Variants in HLCS observed in about 807,000 individuals in gnomAD.
HLCS encodes the protein holocarboxylase synthetase, also known as biotin--protein ligase.
HLCS carries 53 observed loss-of-function variants against 75.0 expected under a neutral mutation model. The ratio of observed to expected loss-of-function variants is 0.71; its 90% CI spans 0.57 to 0.89. HLCS has a LOEUF of 0.89. Among genes scored for constraint, HLCS ranks in the 40% least tolerant of loss-of-function variants. The pLI is 0.00. For synonymous variants in HLCS, 431 were observed against 428.6 expected (o/e 1.01, Z -0.07); for missense variants, 966 against 1,074.0 (o/e 0.90, Z 1.41).
chr21:36,987,648 C>G (rs1242667460), intron 1 of HLCS, among the ~76,000 whole-genome samples: 1 of 152,126 alleles, frequency 6.6e-6, no homozygotes, highest in Non-Finnish European at 1.5e-5. Context: ...CACCAAGTTT[C>G]CAAGTTTCTC....
chr21:36,751,021 A>G lies in HLCS; in HGVS notation c.*3225T>C, dbSNP rs1048233879. On this transcript the variant is annotated 3_prime_UTR_variant, in exon 11 of 11. Coordinates refer to ENST00000674895, the MANE Select transcript of HLCS (RefSeq NM_001352514.2). The stretch of plus-strand genomic sequence containing the variant: ...GAATACATTTGTCAATAATACGTCA[A>G]AAAAAAAAACACTTGGCTTCTTAAT... The G allele has an allele frequency of 1.3e-5, 2 of 149,678 alleles. No individual in the cohort carries two copies. The highest frequency in any genetic ancestry group is 3.0e-5 in the Non-Finnish European group (2 of 67,020). 9.3% of individuals were successfully genotyped at this position (149,678 alleles called of 1,614,324 possible). A position where few individuals can be genotyped will look rare whatever the true frequency, so the allele number is the denominator to read the frequency against.
At chr21:36,812,959 T>C (rs576792587) in intron 6 of HLCS, among the ~76,000 whole-genome samples, 195 of 152,198 alleles carry the variant, frequency 1.3e-3, no homozygotes, top group Non-Finnish European at 2.0e-3. Context: ...CTTGGGAAGC[T>C]GAGGTGGAAG....
At chr21:36,950,311 GA>G (rs1293797298) in intron 2 of HLCS, among the ~76,000 whole-genome samples, 1 of 152,030 alleles carries the variant, frequency 6.6e-6, no homozygotes, top group Non-Finnish European at 1.5e-5. Context: ...TAGAAAACAA[GA>G]AAACCAATAG....
chr21:36,882,000 C>T (rs948153808), intron 6 of HLCS, among the ~76,000 whole-genome samples: 6 of 151,896 alleles, frequency 4.0e-5, no homozygotes, highest in African/African-American at 4.8e-5. Context: ...GACTCCACGT[C>T]GGCCGGGCAT....
At chr21:36,956,988 T>C (rs976482969) in intron 2 of HLCS, among the ~76,000 whole-genome samples, 2 of 147,220 alleles carry the variant, frequency 1.4e-5, no homozygotes, top group African/African-American at 5.1e-5. Flanking sequence ...AGGAGGTAGA[T>C]GTTGCAGTGA....
intron 1 of HLCS, among the ~76,000 whole-genome samples, chr21:36,985,582 G>A (rs936246957): frequency 6.6e-6 from 1 of 152,142 alleles, no homozygotes; most frequent in African/African-American, 2.4e-5. Context: ...CCTGGCCAAA[G>A]TAGTAAAACC....
intron 2 of HLCS, chr21:36,948,057 C>T (rs969198214): frequency 2.1e-5 from 17 of 801,088 alleles, no homozygotes; most frequent in Non-Finnish European, 1.1e-5. Context: ...TTTGGGAGGC[C>T]GAGACAGGTG....
chr21:36,989,188 T>C (rs1249087908), intron 1 of HLCS, among the ~76,000 whole-genome samples: 3 of 151,352 alleles, frequency 2.0e-5, no homozygotes, highest in Admixed American at 2.0e-4. Flanking sequence ...CTTTTCTTAT[T>C]TTTTGCAGAG....
At chr21:36,954,267 C>T (rs769546708) in intron 2 of HLCS, among the ~76,000 whole-genome samples, 2 of 151,322 alleles carry the variant, frequency 1.3e-5, no homozygotes, top group Non-Finnish European at 2.9e-5. Context: ...CACACCACTG[C>T]ACTCCAGCCT....
chr21:36,765,153 C>T lies in HLCS; in HGVS notation c.1980G>A (p.Trp660Ter). ...TEGKGRGGNV[W>*]LSPVGCALST... ...AAAGAGCACATCCCACAGGGCTCAG[C>T]CACACATTCCCTCCCCGTCCTGGAA... The change falls in exon 8 of 11, where the codon TGG becomes TGA. Residue 660 changes from tryptophan to a stop codon, truncating the protein, a stop_gained. Coordinates refer to ENST00000674895, the MANE Select transcript of HLCS (RefSeq NM_001352514.2). LOFTEE classifies it high-confidence loss of function. 1 of 1,614,210 alleles carries T rather than the reference C, an allele frequency of 6.2e-7. No individual in the cohort carries two copies. The highest frequency in any genetic ancestry group is 1.3e-5 in the African/African-American group (1 of 75,060).
chr21:36,758,101 T>C (rs2089676053), intron 9 of HLCS, among the ~76,000 whole-genome samples: 1 of 152,122 alleles, frequency 6.6e-6, no homozygotes, highest in African/African-American at 2.4e-5. Context: ...CTTTATTTTT[T>C]ATTTTTATTT....
chr21:36,984,483 AAG>A (rs1445838506), intron 1 of HLCS, among the ~76,000 whole-genome samples: 3 of 152,358 alleles, frequency 2.0e-5, no homozygotes, highest in Non-Finnish European at 4.4e-5. Flanking sequence ...CTGCTGGACA[AAG>A]AGATGATTCG....
upstream of HLCS, among the ~76,000 whole-genome samples, chr21:36,967,342 CAG>C (rs2068651968): frequency 2.0e-5 from 3 of 152,070 alleles, no homozygotes; most frequent in African/African-American, 4.8e-5. Flanking sequence ...GGACAGGAAA[CAG>C]AAATTGAAGA....
intron 6 of HLCS, among the ~76,000 whole-genome samples, chr21:36,875,030 C>A (rs564482936): frequency 6.6e-6 from 1 of 152,292 alleles, no homozygotes; most frequent in African/African-American, 2.4e-5. Context: ...AGCCAGCACT[C>A]CCCTCCCCGA....
intron 2 of HLCS, among the ~76,000 whole-genome samples, chr21:36,951,319 T>G (rs2067660498): frequency 6.6e-6 from 1 of 152,180 alleles, no homozygotes; most frequent in Admixed American, 6.6e-5. Flanking sequence ...AGACTCCAAA[T>G]GTACTGAGCT....
rs531741975 is a variant in HLCS at position 36,794,050 on chromosome 21, C to G, written c.1893-26765G>C. On this transcript the variant is annotated intron_variant, in intron 6 of 10. Coordinates refer to ENST00000674895, the MANE Select transcript of HLCS (RefSeq NM_001352514.2). ...TACTAAGGACGAGCTACGGGTGTGA[C>G]TGGGTTACGCTTGGCTCATTCTGGC... Among the ~76,000 whole-genome samples, 130 of 152,348 alleles carry G rather than the reference C, an allele frequency of 8.5e-4. 1 individual carries two copies. The highest frequency in any genetic ancestry group is 6.5e-4 in the Admixed American group (10 of 15,304).
At chr21:36,917,639 G>A (rs901870520) in intron 5 of HLCS, among the ~76,000 whole-genome samples, 1 of 152,184 alleles carries the variant, frequency 6.6e-6, no homozygotes, top group African/African-American at 2.4e-5. Context: ...GCTGTGTAGT[G>A]AGACCTGAGT....
chr21:36,757,853 C>T lies in HLCS; in HGVS notation c.2237-1098G>A, dbSNP rs562456587. On this transcript the variant is annotated intron_variant, in intron 9 of 10. Transcript: ENST00000674895. ...GGATCTGAAGCACCTACTGAACGTT[C>T]GTAAGGCATTAAATCAAGTGCTGTA... is the stretch of plus-strand genomic sequence containing the variant. Among the ~76,000 whole-genome samples, 18 of 152,298 alleles carry T rather than the reference C, an allele frequency of 1.2e-4. No homozygotes were observed. In the East Asian group the frequency reaches 1.7e-3, roughly 15 times the overall value.
intron 1 of HLCS, among the ~76,000 whole-genome samples, chr21:36,966,042 A>C (rs1034060136): frequency 6.6e-6 from 1 of 152,274 alleles, no homozygotes; most frequent in Middle Eastern, 3.4e-3. Flanking sequence ...TTACAGGCAT[A>C]AGCCACCGCT....
Sources: allele counts gnomAD v4.1 joint callset (sites outside exome capture counted in the v4.1 genomes callset), GRCh38; gene constraint gnomAD v4.1.1; transcripts MANE v1.5; gene names NCBI Gene and HGNC (gene_info 2026-07-23, HGNC 2026-07-21).